The following STAB2 variants were observed in gnomAD, a reference collection of about 807,000 sequenced individuals.
STAB2 encodes stabilin-2.
Under a neutral mutation model 338.1 loss-of-function variants are expected in STAB2, and 288 were observed. The observed-to-expected ratio is 0.85, with a 90% confidence interval of 0.77 to 0.94. The LOEUF is 0.94. STAB2 is among the 40% of genes least tolerant of loss of function. The pLI is 0.00. For missense variants in STAB2, 3,141 were observed against 3,210.1 expected (o/e 0.98, Z 0.52); for synonymous variants, 1,202 against 1,193.3 (o/e 1.01, Z -0.15).
chr12:103,595,012 G>A (rs77543981), intron 3 of STAB2, among the ~76,000 whole-genome samples: 2,099 of 151,036 alleles, frequency 0.014, 20 homozygotes, highest in Non-Finnish European at 0.024. Context: ...GTGTAGAGAT[G>A]CAAATACACA....
Position 103,695,564 on chromosome 12 carries a change from A to G in STAB2, c.3390A>G (p.Gln1130=). Reference sequence around the variant, plus strand: ...TCTTTTTTCAGGTGCTGGTCCCACAAAGACGTCTAACTGGCTCCTTACCAA... The same window carrying G: ...TCTTTTTTCAGGTGCTGGTCCCACAGAGACGTCTAACTGGCTCCTTACCAA... ...IHIINKVLVP[Q]RRLTGSLPNL... is the part of the protein sequence containing the mutation. The change falls in exon 32 of 69, where the codon CAA becomes CAG. Residue 1130 remains glutamine, a synonymous_variant. Coordinates refer to ENST00000388887, the MANE Select transcript of STAB2 (RefSeq NM_017564.10). The G allele has an allele frequency of 6.2e-7, 1 of 1,614,164 alleles. No individual in the cohort carries two copies. Among genetic ancestry groups the G allele is most frequent in the Non-Finnish European group, 8.5e-7 (1 of 1,180,032 alleles).
At chr12:103,612,714 T>C (rs1371729488) in intron 3 of STAB2, among the ~76,000 whole-genome samples, 2 of 152,228 alleles carry the variant, frequency 1.3e-5, no homozygotes, top group Non-Finnish European at 2.9e-5. Flanking sequence ...TCCGGCTTTG[T>C]TCCATTGCTG....
At chr12:103,666,594 GATA>G (rs1338153790) in intron 19 of STAB2, among the ~76,000 whole-genome samples, 1 of 152,192 alleles carries the variant, frequency 6.6e-6, no homozygotes, top group East Asian at 1.9e-4. Context: ...ATCTGTAAAT[GATA>G]ATAACAAAAA....
At chr12:103,646,995 A>G (rs1873384642) in intron 9 of STAB2, among the ~76,000 whole-genome samples, 1 of 152,192 alleles carries the variant, frequency 6.6e-6, no homozygotes, top group South Asian at 2.1e-4. Flanking sequence ...GAAAGGCATA[A>G]CAGCCTAAAA....
intron 15 of STAB2, 96 bp from the exon 16 acceptor site, chr12:103,660,235 T>G: frequency 1.5e-6 from 2 of 1,318,976 alleles, no homozygotes; most frequent in South Asian, 2.4e-5. Context: ...ATGGGTCATT[T>G]TTCTTGATTG....
chr12:103,676,058 CT>C (rs35874368), intron 24 of STAB2, 37 bp downstream of exon 24: 110,043 of 659,184 alleles, frequency 0.17, 556 homozygotes, highest in Admixed American at 0.18. Context: ...TGCCTGGTTT[CT>C]TTTTTTTTTT....
At chr12:103,728,032 G>C (rs1881348496) in intron 47 of STAB2, among the ~76,000 whole-genome samples, 1 of 152,064 alleles carries the variant, frequency 6.6e-6, no homozygotes, top group Non-Finnish European at 1.5e-5. Flanking sequence ...CAAAGCAGAG[G>C]CACAAAAATA....
chr12:103,703,260 A>G lies in STAB2; in HGVS notation c.3827A>G (p.Asp1276Gly). Reference protein sequence around the residue: ...EIQKNRCDNNDTTIIRGRCRT... With the variant: ...EIQKNRCDNNGTTIIRGRCRT... ...CAGAAGAACAGATGTGATAATAATG[A>G]CACTACTATTATACGAGTAAGTTCT... The change falls in exon 35 of 69, where the codon GAC (aspartate) becomes GGC (glycine). Residue 1276 changes from aspartate (D) to glycine (G), a missense_variant. Coordinates refer to ENST00000388887, the MANE Select transcript of STAB2 (RefSeq NM_017564.10). The G allele has an allele frequency of 6.2e-7, 1 of 1,613,398 alleles. No individual in the cohort carries two copies. The highest frequency in any genetic ancestry group is 2.2e-5 in the East Asian group (1 of 44,876).
intron 19 of STAB2, among the ~76,000 whole-genome samples, chr12:103,667,962 TC>T (rs1360126187): frequency 6.6e-6 from 1 of 152,206 alleles, no homozygotes; most frequent in African/African-American, 2.4e-5. Flanking sequence ...TAAGACCCAT[TC>T]TCTAGACCTT....
chr12:103,685,447 TGTGTGTGCGCGTGCGTGTGTGTGTGC>T (rs554918631), intron 27 of STAB2, among the ~76,000 whole-genome samples: 4,973 of 150,162 alleles, frequency 0.033, 113 homozygotes, highest in East Asian at 0.09. Flanking sequence ...TGTGTGTGTG[TGTGTGTGCGCGTGCGTGTGTGTGTGC>T]GTGCGCGCAT....
chr12:103,602,144 A>T (rs1019139342), intron 3 of STAB2, among the ~76,000 whole-genome samples: 21 of 152,324 alleles, frequency 1.4e-4, no homozygotes, highest in African/African-American at 4.8e-4. Flanking sequence ...AATCCCTGGA[A>T]AATACTAACC....
chr12:103,750,813 A>T, intron 60 of STAB2, 93 bp downstream of exon 60: 1 of 1,448,154 alleles, frequency 6.9e-7, no homozygotes, highest in South Asian at 1.4e-5. Context: ...AAAACAGGCC[A>T]AGCCTGGTGG....
At position 103,685,076 on chromosome 12, in the gene STAB2, G is replaced by C; in HGVS notation, c.2989G>C (p.Ala997Pro). 6.2e-7 allele frequency: 1 copy of C among 1,613,740 alleles called. No individual in the cohort carries two copies. The change falls in exon 27 of 69, where the codon GCA (alanine) becomes CCA (proline). Residue 997 changes from alanine to proline, a missense_variant. By Grantham distance (27) the Ala-to-Pro change is conservative (BLOSUM62 -1). Transcript: ENST00000388887. The part of the protein sequence containing the change: ...EGDGFLCYGN[A>P]AVELSFLSEA... ...AGATGGCTTTCTGTGCTATGGAAACGCAGCAGTGGTAAGTCATCGATGATG... is the reference window on the plus strand; with the variant it reads ...AGATGGCTTTCTGTGCTATGGAAACCCAGCAGTGGTAAGTCATCGATGATG...
At chr12:103,648,134 G>A (rs188194268) in intron 9 of STAB2, among the ~76,000 whole-genome samples, 109 of 152,316 alleles carry the variant, frequency 7.2e-4, no homozygotes, top group African/African-American at 2.5e-3. Context: ...GAAGAGGTAT[G>A]TGGTTTCATG....
At position 103,600,236 on chromosome 12, in the gene STAB2, T is replaced by C. The variant is rs572264938; in HGVS notation, c.331+5726T>C. 2.0e-5 allele frequency among the ~76,000 whole-genome samples: 3 copies of C among 152,374 alleles called. No homozygotes were observed. In the South Asian group the frequency reaches 6.2e-4, roughly 32 times the overall value. On this transcript the variant is annotated intron_variant, in intron 3 of 68. Coordinates refer to ENST00000388887, the MANE Select transcript of STAB2 (RefSeq NM_017564.10). ...ACATCTCATTTCTTTGTGTAGCTTA[T>C]GGTCCCATATGTGTATTGTTTTTCT... is the stretch of plus-strand genomic sequence containing the variant.
At chr12:103,754,323 T>G (rs982894571) in intron 61 of STAB2, among the ~76,000 whole-genome samples, 2 of 152,084 alleles carry the variant, frequency 1.3e-5, no homozygotes, top group Non-Finnish European at 2.9e-5. Flanking sequence ...AGGAACTCAA[T>G]TTTTAAGATT....
At chr12:103,660,203 A>AC in intron 15 of STAB2, 128 bp from the exon 16 acceptor site, 1 of 981,344 alleles carries the variant, frequency 1.0e-6, no homozygotes. Flanking sequence ...GGTTTCTCTC[A>AC]CCCTGGATTT....
intron 60 of STAB2, among the ~76,000 whole-genome samples, chr12:103,751,581 A>G (rs1049542495): frequency 6.6e-6 from 1 of 152,162 alleles, no homozygotes; most frequent in Non-Finnish European, 1.5e-5. Flanking sequence ...TCCAAGCAGA[A>G]AGATTTTATG....
intron 9 of STAB2, 130 bp from the exon 10 acceptor site, chr12:103,648,560 G>T: frequency 8.3e-7 from 1 of 1,198,780 alleles, no homozygotes. Flanking sequence ...ACCACACTAG[G>T]AATGCTCTCT....
Sources: gnomAD v4.1 joint callset for allele counts (sites outside exome capture counted in the v4.1 genomes callset) on GRCh38, gnomAD v4.1.1 for gene constraint, MANE v1.5 for transcripts, NCBI Gene and HGNC (gene_info 2026-07-23, HGNC 2026-07-21) for gene names.